The following APLF variants were observed in gnomAD, a reference collection of about 807,000 sequenced individuals.
The protein encoded by APLF is aprataxin and PNK-like factor.
Under a neutral mutation model 55.6 loss-of-function variants are expected in APLF, and 61 were observed. The ratio of observed to expected loss-of-function variants is 1.10; its 90% CI spans 0.89 to 1.36. The LOEUF is 1.36. Among genes scored for constraint, APLF ranks in the 40% most tolerant of loss-of-function variants. The pLI is 0.00. For synonymous variants in APLF, 207 were observed against 214.8 expected (o/e 0.96, Z 0.32); for missense variants, 611 against 602.5 (o/e 1.01, Z -0.15).
At chr2:68,540,819 G>A (rs1177890161) in intron 7 of APLF, among the ~76,000 whole-genome samples, 1 of 151,976 alleles carries the variant, frequency 6.6e-6, no homozygotes, top group Non-Finnish European at 1.5e-5. Flanking sequence ...TTGACAAACT[G>A]ACTTTATAGA....
intron 1 of APLF, among the ~76,000 whole-genome samples, chr2:68,477,369 C>T (rs1038800964): frequency 7.9e-5 from 12 of 152,110 alleles, no homozygotes; most frequent in African/African-American, 2.9e-4. Context: ...TGTGGTGGCT[C>T]ATGCCTGTAA....
intron 5 of APLF, among the ~76,000 whole-genome samples, chr2:68,519,270 T>A (rs1459980826): frequency 1.7e-5 from 2 of 119,594 alleles, no homozygotes; most frequent in Admixed American, 1.7e-4. Context: ...TAATATAATA[T>A]ATTATATGTA....
At chr2:68,491,150 T>C (rs1448785449) in intron 2 of APLF, among the ~76,000 whole-genome samples, 1 of 152,212 alleles carries the variant, frequency 6.6e-6, no homozygotes, top group Non-Finnish European at 1.5e-5. Flanking sequence ...CAACCTTGAA[T>C]AAATAATCTT....
chr2:68,476,197 A>G (rs1558525520), intron 1 of APLF, among the ~76,000 whole-genome samples: 1 of 152,014 alleles, frequency 6.6e-6, no homozygotes, highest in African/African-American at 2.4e-5. Flanking sequence ...AAGATTATAT[A>G]CTCAATGTAG....
chr2:68,524,326 T>C (rs1170643453), intron 5 of APLF, among the ~76,000 whole-genome samples: 1 of 152,262 alleles, frequency 6.6e-6, no homozygotes, highest in African/African-American at 2.4e-5. Context: ...ATATGGACAG[T>C]ATTCCATTGG....
intron 9 of APLF, among the ~76,000 whole-genome samples, chr2:68,567,993 C>G (rs1433985921): frequency 1.3e-5 from 2 of 152,204 alleles, no homozygotes; most frequent in Non-Finnish European, 2.9e-5. Flanking sequence ...ACCATGGCCA[C>G]TGATTAGTTT....
chr2:68,537,953 C>A lies in APLF; in HGVS notation c.886C>A (p.Leu296Ile). 1.9e-6 allele frequency: 3 copies of A among 1,613,776 alleles called. 1 individual carries two copies. In the South Asian group the frequency reaches 3.3e-5, roughly 18 times the overall value. ...NIKTNAQRNK[L>I]PIEELGKVSK... ...TAAGACTAATGCACAGAGAAACAAACTTCCAATAGAGGAACTTGGTAAAGT... is the reference window on the plus strand; with the variant it reads ...TAAGACTAATGCACAGAGAAACAAAATTCCAATAGAGGAACTTGGTAAAGT... The change falls in exon 7 of 10, where the codon CTT becomes ATT. Residue 296 changes from leucine (L) to isoleucine (I), a missense_variant. Coordinates refer to ENST00000303795, the MANE Select transcript of APLF (RefSeq NM_173545.3).
At chr2:68,512,394 C>T (rs1324111395) in intron 3 of APLF, among the ~76,000 whole-genome samples, 1 of 151,752 alleles carries the variant, frequency 6.6e-6, no homozygotes, top group Non-Finnish European at 1.5e-5. Context: ...CTTGTTATTT[C>T]TGAGTAGTGT....
chr2:68,518,555 A>C (rs1220611995), intron 5 of APLF, among the ~76,000 whole-genome samples: 4 of 120,388 alleles, frequency 3.3e-5, no homozygotes, highest in Admixed American at 9.7e-5. Flanking sequence ...TATATCAATA[A>C]TGTATCATGA....
At chr2:68,571,776 GCT>G (rs959888553) in intron 9 of APLF, among the ~76,000 whole-genome samples, 7 of 152,142 alleles carry the variant, frequency 4.6e-5, no homozygotes, top group Non-Finnish European at 8.8e-5. Context: ...GGCAATGCAG[GCT>G]CTTTTTTGTT....
chr2:68,537,681 C>A (rs546493061), intron 6 of APLF, among the ~76,000 whole-genome samples, 191 bp from the exon 7 acceptor site: 3 of 152,110 alleles, frequency 2.0e-5, no homozygotes, highest in Admixed American at 2.0e-4. Context: ...AATTTCTTTT[C>A]AAAAAACTAA....
At chr2:68,471,905 A>G (rs766926277) in intron 1 of APLF, among the ~76,000 whole-genome samples, 2 of 152,138 alleles carry the variant, frequency 1.3e-5, no homozygotes, top group Non-Finnish European at 2.9e-5. Flanking sequence ...TGTTCCCAAG[A>G]TGGTCAGGGT....
intron 1 of APLF, among the ~76,000 whole-genome samples, chr2:68,470,968 T>G (rs1466695849): frequency 6.6e-6 from 1 of 152,242 alleles, no homozygotes; most frequent in Non-Finnish European, 1.5e-5. Flanking sequence ...TACTTTTAAC[T>G]GCTTGTTGCA....
At position 68,538,187 on chromosome 2, in the gene APLF, G is replaced by A; in HGVS notation, c.1120G>A (p.Val374Ile). The A allele has an allele frequency of 6.2e-7, 1 of 1,612,022 alleles. No homozygotes were observed. Among genetic ancestry groups the A allele is most frequent in the Non-Finnish European group, 8.5e-7 (1 of 1,179,396 alleles). The change falls in exon 7 of 10, where the codon GTC (valine) becomes ATC (isoleucine). Residue 374 changes from valine (V) to isoleucine (I), a missense_variant. Coordinates refer to ENST00000303795, the MANE Select transcript of APLF (RefSeq NM_173545.3). The stretch of plus-strand genomic sequence containing the variant: ...TCTACAAGGTTCTGAAGGAAACAAG[G>A]TCAAGAGGACATCCTGCATGTATGG... ...SVLQGSEGNK[V>I]KRTSCMYGAN...
At chr2:68,521,154 T>C (rs775275719) in intron 5 of APLF, among the ~76,000 whole-genome samples, 4 of 152,014 alleles carry the variant, frequency 2.6e-5, no homozygotes, top group Non-Finnish European at 5.9e-5. Context: ...TGTTGGTGTA[T>C]AGCAGTACTA....
chr2:68,514,265 G>A lies in APLF; in HGVS notation c.622+585G>A, dbSNP rs975074035. On this transcript the variant is annotated intron_variant, in intron 5 of 9. Coordinates refer to ENST00000303795, the MANE Select transcript of APLF (RefSeq NM_173545.3). ...TAGCTGCGTTAAAGTCTGCATCTAC[G>A]TACAACTTTGCCATTTCAGACTTAG... 1.9e-4 allele frequency among the ~76,000 whole-genome samples: 29 copies of A among 151,778 alleles called. 1 individual carries two copies. Among genetic ancestry groups the A allele is most frequent in the African/African-American group, 6.5e-4 (27 of 41,476 alleles).
intron 7 of APLF, among the ~76,000 whole-genome samples, chr2:68,538,731 G>A (rs1670472229): frequency 7.4e-6 from 1 of 135,454 alleles, no homozygotes; most frequent in South Asian, 2.4e-4. Flanking sequence ...TATTTACACT[G>A]CCCTATATAC....
At chr2:68,563,015 G>C (rs1220441056) in intron 8 of APLF, 2 of 965,504 alleles carry the variant, frequency 2.1e-6, no homozygotes, top group African/African-American at 3.5e-5. Context: ...AAATTTTTGA[G>C]CCTGTCATAG....
intron 1 of APLF, among the ~76,000 whole-genome samples, chr2:68,470,153 G>A (rs974402712): frequency 2.0e-5 from 3 of 152,152 alleles, no homozygotes; most frequent in African/African-American, 7.2e-5. Flanking sequence ...TCAGTTAGAA[G>A]GTTTTACAGC....
Sources: allele counts gnomAD v4.1 joint callset (sites outside exome capture counted in the v4.1 genomes callset), GRCh38; gene constraint gnomAD v4.1.1; transcripts MANE v1.5; gene names NCBI Gene and HGNC (gene_info 2026-07-23, HGNC 2026-07-21).